Variants in TNS3 observed in about 807,000 individuals in gnomAD.
The protein encoded by TNS3 is tensin-3.
A neutral mutation model predicts 140.9 loss-of-function variants in TNS3; 45 were observed. That is an observed-to-expected ratio of 0.32 (90% CI 0.25 to 0.41). The LOEUF (loss-of-function observed/expected upper bound fraction) is 0.41, where lower values mean the gene tolerates loss of function less well. Ranked by LOEUF, TNS3 falls within the 10% of genes least tolerant of loss-of-function variation. The pLI is 1.00. For synonymous variants in TNS3, 815 were observed against 788.4 expected (o/e 1.03, Z -0.56); for missense variants, 1,716 against 1,906.7 (o/e 0.90, Z 1.86).
intron 17 of TNS3, among the ~76,000 whole-genome samples, chr7:47,354,029 ACAC>A (rs3221948): frequency 6.6e-6 from 1 of 151,376 alleles, no homozygotes; most frequent in Non-Finnish European, 1.5e-5. Context: ...ACACACACAC[ACAC>A]AAATTCCAAG....
At chr7:47,423,304 C>CTCCA (rs1451163986) in intron 10 of TNS3, among the ~76,000 whole-genome samples, 2 of 152,230 alleles carry the variant, frequency 1.3e-5, no homozygotes, top group African/African-American at 4.8e-5. Context: ...ACCTGGTTGG[C>CTCCA]TCTAAGTGTC....
At position 47,387,069 on chromosome 7, in the gene TNS3, GAAT is replaced by G. The variant is rs967553651; in HGVS notation, c.1024+9728_1024+9730del. ...AGTAAGTGACAATTTATATGCAACT[GAAT>G]GCATGTTTAACATCAAGTAGCTTGC... is the stretch of plus-strand genomic sequence containing the variant. On this transcript the variant is annotated intron_variant, in intron 16 of 30. Coordinates refer to ENST00000311160, the MANE Select transcript of TNS3 (RefSeq NM_022748.12). Among the ~76,000 whole-genome samples the G allele has an allele frequency of 7.0e-4, 107 of 152,312 alleles. 1 individual carries two copies. Among genetic ancestry groups the G allele is most frequent in the Non-Finnish European group, 4.3e-4 (29 of 68,028 alleles).
upstream of TNS3, chr7:47,582,414 G>A: frequency 2.2e-6 from 1 of 456,460 alleles, no homozygotes; most frequent in South Asian, 1.5e-5. Context: ...CCGCCGGGCC[G>A]GTGTTAGAGT....
chr7:47,561,507 C>CA (rs1383549932), intron 1 of TNS3, among the ~76,000 whole-genome samples: 1 of 152,054 alleles, frequency 6.6e-6, no homozygotes, highest in East Asian at 1.9e-4. Flanking sequence ...AAAAACAATT[C>CA]AAAACCATTG....
chr7:47,394,117 G>A (rs372824458), intron 16 of TNS3, among the ~76,000 whole-genome samples: 2 of 152,194 alleles, frequency 1.3e-5, no homozygotes, highest in East Asian at 3.9e-4. Context: ...GTAATGTCAG[G>A]GCCTTAGATA....
At chr7:47,299,925 C>T (rs1014776637) in intron 23 of TNS3, among the ~76,000 whole-genome samples, 20 of 152,190 alleles carry the variant, frequency 1.3e-4, no homozygotes, top group African/African-American at 4.3e-4. Context: ...CACACTGTCG[C>T]GCCCTGCATC....
intron 20 of TNS3, among the ~76,000 whole-genome samples, chr7:47,327,843 C>A (rs1192855110): frequency 6.6e-6 from 1 of 151,698 alleles, no homozygotes; most frequent in South Asian, 2.1e-4. Context: ...CCCCTCCCCA[C>A]CCCCCTCCAC....
At chr7:47,422,778 C>T (rs186480190) in intron 10 of TNS3, among the ~76,000 whole-genome samples, 45 of 152,086 alleles carry the variant, frequency 3.0e-4, no homozygotes, top group Non-Finnish European at 1.2e-4. Context: ...GCATGGGTTA[C>T]TCCCTATTTA....
chr7:47,426,611 C>T (rs746596824), intron 9 of TNS3, among the ~76,000 whole-genome samples: 8 of 152,296 alleles, frequency 5.3e-5, no homozygotes, highest in Non-Finnish European at 1.0e-4. Context: ...GAGCTACCAT[C>T]ATTTTCCAGG....
chr7:47,415,909 T>C (rs1233177905), intron 10 of TNS3, among the ~76,000 whole-genome samples: 1 of 152,236 alleles, frequency 6.6e-6, no homozygotes, highest in African/African-American at 2.4e-5. Context: ...ACTAGGAGCA[T>C]CTGACTGCTG....
intron 16 of TNS3, among the ~76,000 whole-genome samples, chr7:47,377,485 T>A (rs1348910713): frequency 6.6e-6 from 1 of 152,178 alleles, no homozygotes; most frequent in African/African-American, 2.4e-5. Flanking sequence ...GTTTGGGCAA[T>A]AGAAATATTT....
At chr7:47,475,537 G>A (rs879497246) in intron 4 of TNS3, among the ~76,000 whole-genome samples, 6 of 152,218 alleles carry the variant, frequency 3.9e-5, no homozygotes, top group Non-Finnish European at 7.3e-5. Context: ...CTTCCCCGGG[G>A]GGGGGGCCAG....
At position 47,302,239 on chromosome 7, in the gene TNS3, A is replaced by C; in HGVS notation, c.3491T>G (p.Phe1164Cys). ...CCAGAACTTGGAAGTGTCTTGAACA[A>C]ATTTCACGATCACAAGTTTATCACC... ...SPGDKLVIVKFVQDTSKFWYK... is the reference protein window; with the variant it reads ...SPGDKLVIVKCVQDTSKFWYK... The change falls in exon 23 of 31, where the codon TTT becomes TGT. Residue 1164 changes from phenylalanine (F) to cysteine (C), a missense_variant. Coordinates refer to ENST00000311160, the MANE Select transcript of TNS3 (RefSeq NM_022748.12). 1 of 1,614,238 alleles carries C rather than the reference A, an allele frequency of 6.2e-7. No individual in the cohort carries two copies. Among genetic ancestry groups the C allele is most frequent in the South Asian group, 1.1e-5 (1 of 91,088 alleles).
At chr7:47,328,216 G>T (rs920244835) in intron 20 of TNS3, among the ~76,000 whole-genome samples, 3 of 152,144 alleles carry the variant, frequency 2.0e-5, no homozygotes, top group Non-Finnish European at 2.9e-5. Flanking sequence ...TCAGAGGGCG[G>T]CCGAGAGAGC....
At chr7:47,393,549 G>C (rs1398105554) in intron 16 of TNS3, among the ~76,000 whole-genome samples, 2 of 152,108 alleles carry the variant, frequency 1.3e-5, no homozygotes, top group African/African-American at 4.8e-5. Flanking sequence ...AGCTCGCTCT[G>C]AGTCCTCCCC....
intron 6 of TNS3, among the ~76,000 whole-genome samples, chr7:47,437,595 C>A (rs1208833512): frequency 2.0e-5 from 3 of 151,010 alleles, no homozygotes; most frequent in Non-Finnish European, 3.0e-5. Context: ...GAATAAAAAA[C>A]AAATAAAATA....
intron 17 of TNS3, among the ~76,000 whole-genome samples, chr7:47,357,249 T>C (rs910193708): frequency 1.3e-4 from 20 of 152,236 alleles, no homozygotes; most frequent in Non-Finnish European, 2.6e-4. Context: ...TGTGATCTTC[T>C]AGGAATAAAG....
intron 13 of TNS3, among the ~76,000 whole-genome samples, chr7:47,410,156 G>T (rs550010893): frequency 1.4e-4 from 21 of 152,274 alleles, no homozygotes; most frequent in African/African-American, 4.1e-4. Context: ...CAGGATGTGA[G>T]GAACACCAGA....
At chr7:47,281,021 A>G (rs1053256449) in intron 28 of TNS3, among the ~76,000 whole-genome samples, 1 of 152,030 alleles carries the variant, frequency 6.6e-6, no homozygotes, top group Non-Finnish European at 1.5e-5. Context: ...TCGTGGGGAA[A>G]CCACTAACAG....
Sources: allele counts gnomAD v4.1 joint callset (sites outside exome capture counted in the v4.1 genomes callset), GRCh38; gene constraint gnomAD v4.1.1; transcripts MANE v1.5; gene names NCBI Gene and HGNC (gene_info 2026-07-23, HGNC 2026-07-21).